ZNF143: variants seen among roughly 807,000 people sequenced by gnomAD.
The protein encoded by ZNF143 is zinc finger protein 143.
In ZNF143, 49 loss-of-function variants were observed where a neutral mutation model predicts 74.1. The observed-to-expected ratio is 0.66, with a 90% CI of 0.53 to 0.84. ZNF143 has a LOEUF of 0.84. Ranked by LOEUF, ZNF143 falls within the 40% of genes least tolerant of loss-of-function variation. The pLI, the probability that ZNF143 is intolerant of heterozygous loss-of-function variation, is 0.00. For synonymous variants in ZNF143, 304 were observed against 282.8 expected (o/e 1.07, Z -0.75); for missense variants, 637 against 793.4 (o/e 0.80, Z 2.37).
intron 10 of ZNF143, among the ~76,000 whole-genome samples, 200 bp from the exon 11 acceptor site, chr11:9,500,891 A>G (rs1046626966): frequency 2.0e-5 from 3 of 152,106 alleles, no homozygotes; most frequent in African/African-American, 7.2e-5. Flanking sequence ...TTTGAATACC[A>G]TTCCCAGTTT....
At chr11:9,505,942 GT>G (rs1848348945) in intron 11 of ZNF143, among the ~76,000 whole-genome samples, 1 of 150,868 alleles carries the variant, frequency 6.6e-6, no homozygotes, top group Non-Finnish European at 1.5e-5. Context: ...TAAAATATAT[GT>G]GCTTAAGTGC....
At chr11:9,511,102 C>CTTTTTTTTTTT (rs777285359) in intron 12 of ZNF143, among the ~76,000 whole-genome samples, 1 of 70,750 alleles carries the variant, frequency 1.4e-5, no homozygotes, top group Admixed American at 1.8e-4. Flanking sequence ...TTAACAGCTT[C>CTTTTTTTTTTT]TTTTTTTTTT....
intron 5 of ZNF143, among the ~76,000 whole-genome samples, chr11:9,475,910 A>ATGTGTGTGTGTGTG (rs61636956): frequency 5.9e-4 from 81 of 137,366 alleles, no homozygotes; most frequent in African/African-American, 1.4e-3. Flanking sequence ...AAAAATATAT[A>ATGTGTGTGTGTGTG]TGTGTGTGTG....
At chr11:9,494,325 A>G (rs1847884812) in intron 7 of ZNF143, among the ~76,000 whole-genome samples, 1 of 152,122 alleles carries the variant, frequency 6.6e-6, no homozygotes, top group Non-Finnish European at 1.5e-5. Flanking sequence ...ATTGATTGAG[A>G]CAGGTCTCAC....
chr11:9,501,751 A>G (rs764833643), intron 11 of ZNF143, among the ~76,000 whole-genome samples: 1 of 152,168 alleles, frequency 6.6e-6, no homozygotes, highest in South Asian at 2.1e-4. Flanking sequence ...ATGAAAAAGC[A>G]TGATACTCAG....
chr11:9,483,513 G>T (rs1210183373), intron 7 of ZNF143, among the ~76,000 whole-genome samples: 2 of 149,358 alleles, frequency 1.3e-5, no homozygotes, highest in African/African-American at 5.0e-5. Flanking sequence ...GGCCAGGCTG[G>T]TCTCGAACTC....
At chr11:9,461,474 C>T (rs1385796389) in intron 1 of ZNF143, among the ~76,000 whole-genome samples, 1 of 152,136 alleles carries the variant, frequency 6.6e-6, no homozygotes, top group African/African-American at 2.4e-5. Flanking sequence ...GCCGCCGAGG[C>T]AGAGTTCCGC....
At chr11:9,495,896 C>T (rs1847940908) in intron 8 of ZNF143, among the ~76,000 whole-genome samples, 2 of 152,110 alleles carry the variant, frequency 1.3e-5, no homozygotes, top group African/African-American at 2.4e-5. Context: ...AGGCAAGTGC[C>T]CATGGCCACA....
intron 7 of ZNF143, among the ~76,000 whole-genome samples, chr11:9,487,777 G>T (rs530234147): frequency 7.2e-5 from 11 of 152,330 alleles, no homozygotes; most frequent in Admixed American, 7.2e-4. Flanking sequence ...AATTGCCCTT[G>T]AGAGTTTTCA....
chr11:9,467,405 C>G (rs1245847635), intron 1 of ZNF143, among the ~76,000 whole-genome samples: 1 of 151,382 alleles, frequency 6.6e-6, no homozygotes, highest in Non-Finnish European at 1.5e-5. Flanking sequence ...GGCTGATTTT[C>G]TTATATTTTT....
intron 7 of ZNF143, among the ~76,000 whole-genome samples, chr11:9,482,801 T>C (rs545146226): frequency 6.6e-6 from 1 of 151,522 alleles, no homozygotes; most frequent in African/African-American, 2.4e-5. Flanking sequence ...CAAATTGAGA[T>C]GTGCTGTAAG....
intron 2 of ZNF143, among the ~76,000 whole-genome samples, chr11:9,472,190 AAG>A (rs1856616290): frequency 6.6e-6 from 1 of 151,646 alleles, no homozygotes; most frequent in Non-Finnish European, 1.5e-5. Context: ...CAGCCTCCAA[AAG>A]TGCTGGGATT....
intron 7 of ZNF143, among the ~76,000 whole-genome samples, chr11:9,484,442 T>C (rs2133958868): frequency 6.6e-6 from 1 of 150,980 alleles, no homozygotes; most frequent in African/African-American, 2.5e-5. Context: ...CACAAACTCC[T>C]GACCTCAAGT....
At position 9,527,649 on chromosome 11, in the gene ZNF143, C is replaced by A; in HGVS notation, c.*36C>A. 6.3e-7 allele frequency: 1 copy of A among 1,581,602 alleles called. No individual in the cohort carries two copies. Among genetic ancestry groups the A allele is most frequent in the Non-Finnish European group, 8.7e-7 (1 of 1,152,056 alleles). The stretch of plus-strand genomic sequence containing the variant: ...AATGGAGCAATAAAGCAGAAGGAGT[C>A]TTTCATCTTCTGGCAGCAGAAATCC... On this transcript the variant is annotated 3_prime_UTR_variant, in exon 16 of 16. Transcript: ENST00000396602.
In ZNF143 at chr11:9,516,271, C is replaced by G; in HGVS notation, c.1595C>G (p.Pro532Arg). Residue 532 changes from proline to arginine, a missense_variant, in exon 14 of 16, where the codon CCC becomes CGC. Physicochemically the swap from Pro to Arg is moderately radical, Grantham distance 103 (BLOSUM62 -2). This residue lies in a region of ZNF143 where 344 missense variants were observed against 485.6 expected (regional missense o/e 0.71). Coordinates refer to ENST00000396602, the MANE Select transcript of ZNF143 (RefSeq NM_003442.6). Reference protein sequence around the residue: ...TITMVTQDGTPITVPAHDAVI... With the variant: ...TITMVTQDGTRITVPAHDAVI... ...ACAATGGTAACGCAGGATGGCACGCCCATCACAGTCCCCGCCCATGATGCA... is the reference window on the plus strand; with the variant it reads ...ACAATGGTAACGCAGGATGGCACGCGCATCACAGTCCCCGCCCATGATGCA... The G allele has an allele frequency of 6.2e-7, 1 of 1,614,050 alleles. No individual in the cohort carries two copies. The highest frequency in any genetic ancestry group is 8.5e-7 in the Non-Finnish European group (1 of 1,179,944).
chr11:9,527,423 C>A, intron 15 of ZNF143, 107 bp from the exon 16 acceptor site: 1 of 995,094 alleles, frequency 1.0e-6, no homozygotes, highest in Non-Finnish European at 1.6e-6. Flanking sequence ...TCCCAAGTGT[C>A]AGAATTACAG....
chr11:9,475,903 A>AAT (rs1554962054), intron 5 of ZNF143, among the ~76,000 whole-genome samples: 275 of 76,314 alleles, frequency 3.6e-3, no homozygotes, highest in African/African-American at 9.1e-3. Context: ...GTCTCAAAAA[A>AAT]ATATATATGT....
At chr11:9,483,575 G>A (rs1360883990) in intron 7 of ZNF143, among the ~76,000 whole-genome samples, 1 of 150,818 alleles carries the variant, frequency 6.6e-6, no homozygotes, top group Admixed American at 6.6e-5. Context: ...GACCACAGGT[G>A]TGAGCCACCA....
At chr11:9,496,466 G>A in intron 9 of ZNF143, 88 bp downstream of exon 9, 1 of 1,088,508 alleles carries the variant, frequency 9.2e-7, no homozygotes, top group Non-Finnish European at 1.4e-6. Flanking sequence ...CCTTGGCTGT[G>A]TCTGAATCTG....
Sources: allele counts gnomAD v4.1 joint callset (sites outside exome capture counted in the v4.1 genomes callset), GRCh38; gene constraint gnomAD v4.1.1; regional missense constraint gnomAD v4.1.1; transcripts MANE v1.5; gene names NCBI Gene and HGNC (gene_info 2026-07-23, HGNC 2026-07-21).